Variants in ATP11A observed in about 807,000 individuals in gnomAD.
The protein encoded by ATP11A is phospholipid-transporting ATPase IH.
ATP11A carries 81 observed loss-of-function variants against 154.4 expected under a neutral mutation model. That is an observed-to-expected ratio of 0.52 (90% CI 0.44 to 0.63). The LOEUF is 0.63. Among genes scored for constraint, ATP11A ranks in the 30% least tolerant of loss-of-function variants. The pLI, the probability that ATP11A is intolerant of heterozygous loss-of-function variation, is 0.00. For synonymous variants in ATP11A, 623 were observed against 585.9 expected, an observed-to-expected ratio of 1.06 and a Z score of -0.91; for missense variants, 1,316 against 1,474.3, an observed-to-expected ratio of 0.89 and a Z score of 1.76.
intron 25 of ATP11A, among the ~76,000 whole-genome samples, chr13:112,867,208 A>G (rs2140395357): frequency 6.6e-6 from 1 of 152,122 alleles, no homozygotes; most frequent in East Asian, 1.9e-4. Context: ...CAACCACCCT[A>G]TCAGCTGGAC....
intron 1 of ATP11A, among the ~76,000 whole-genome samples, chr13:112,777,918 C>T (rs944829164): frequency 4.6e-5 from 7 of 152,250 alleles, no homozygotes; most frequent in African/African-American, 9.6e-5. Flanking sequence ...GAATTCCTCT[C>T]GGAGGTGCTC....
intron 1 of ATP11A, among the ~76,000 whole-genome samples, chr13:112,756,312 G>C (rs2076832011): frequency 6.6e-6 from 1 of 152,300 alleles, no homozygotes; most frequent in Middle Eastern, 3.4e-3. Flanking sequence ...CCATCGTTGC[G>C]GTGCCTTCAG....
chr13:112,773,850 G>A (rs1270889317), intron 1 of ATP11A, among the ~76,000 whole-genome samples: 1 of 152,110 alleles, frequency 6.6e-6, no homozygotes, highest in East Asian at 1.9e-4. Context: ...ACCTGTGCGG[G>A]ATTTCCACGC....
chr13:112,863,675 C>A (rs112715767), intron 25 of ATP11A, among the ~76,000 whole-genome samples: 59 of 134,650 alleles, frequency 4.4e-4, no homozygotes, highest in East Asian at 4.6e-4. Context: ...CCATCACCAC[C>A]TGCGCAGTAA....
intron 25 of ATP11A, among the ~76,000 whole-genome samples, chr13:112,865,040 C>T (rs1355808043): frequency 6.7e-6 from 1 of 148,696 alleles, no homozygotes; most frequent in Non-Finnish European, 1.5e-5. Flanking sequence ...CGCAATAATT[C>T]AGCGTAGCAC....
At chr13:112,876,237 A>C in intron 28 of ATP11A, 2 of 243,766 alleles carry the variant, frequency 8.2e-6, no homozygotes, top group African/African-American at 2.2e-5. Context: ...CTTTTTTAAA[A>C]TTAATCATTA....
At chr13:112,773,495 TC>T (rs1261369006) in intron 1 of ATP11A, among the ~76,000 whole-genome samples, 1 of 151,756 alleles carries the variant, frequency 6.6e-6, no homozygotes, top group Non-Finnish European at 1.5e-5. Flanking sequence ...TGGCCAGGAG[TC>T]CTTCCCCACT....
rs1278381762 is a variant in ATP11A, at chr13:112,787,347, C to T, written c.162+2090C>T. On this transcript the variant is annotated intron_variant, in intron 2 of 29. Transcript: ENST00000375645. ...CTGTGGAGACCTACTTAATTGACAC[C>T]GGGTGTCCTGATGCGTAGACTCCTG... is the stretch of plus-strand genomic sequence containing the variant. Among the ~76,000 whole-genome samples the T allele has an allele frequency of 3.1e-5, 4 of 128,948 alleles. 1 individual carries two copies. The highest frequency in any genetic ancestry group is 2.3e-4 in the East Asian group (1 of 4,408). 84.6% of individuals were successfully genotyped at this position (128,948 alleles called of 152,430 possible).
chr13:112,717,858 C>T (rs908060007), intron 1 of ATP11A, among the ~76,000 whole-genome samples: 2 of 152,224 alleles, frequency 1.3e-5, no homozygotes, highest in African/African-American at 4.8e-5. Flanking sequence ...GGGTGGATCA[C>T]CTGAGGTCAG....
chr13:112,807,062 C>T lies in ATP11A; in HGVS notation c.333+769C>T, dbSNP rs977280865. ...TGGATGGACATTTGGGGTGTTTCCACTCTTTGGCTGTTCTGAATAATGCTG... is the reference window on the plus strand; with the variant it reads ...TGGATGGACATTTGGGGTGTTTCCATTCTTTGGCTGTTCTGAATAATGCTG... On this transcript the variant is annotated intron_variant, in intron 4 of 29. Coordinates refer to ENST00000375645, the MANE Select transcript of ATP11A (RefSeq NM_015205.3). The surrounding 1 kb of genome is among the most constrained non-coding windows in gnomAD (Gnocchi z 4.5). Among the ~76,000 whole-genome samples the T allele has an allele frequency of 2.6e-5, 4 of 152,254 alleles. No homozygotes were observed. Among genetic ancestry groups the T allele is most frequent in the Admixed American group, 6.5e-5 (1 of 15,288 alleles).
chr13:112,755,793 A>G (rs2076811594), intron 1 of ATP11A, among the ~76,000 whole-genome samples: 2 of 138,496 alleles, frequency 1.4e-5, no homozygotes, highest in Non-Finnish European at 3.1e-5. Flanking sequence ...CGGAAGCGGC[A>G]CTCAGAGCGG....
intron 16 of ATP11A, among the ~76,000 whole-genome samples, chr13:112,839,324 T>C (rs416168): frequency 0.38 from 57,830 of 151,372 alleles, 12,804 homozygotes; most frequent in African/African-American, 0.61. Flanking sequence ...GCAGAAAAGA[T>C]GAAAGAGAAG....
chr13:112,852,686 C>G (rs1377024267), intron 18 of ATP11A, among the ~76,000 whole-genome samples: 1 of 150,968 alleles, frequency 6.6e-6, no homozygotes, highest in African/African-American at 2.5e-5. Flanking sequence ...CGTGGGGATG[C>G]CTCCGGCAGA....
chr13:112,877,588 G>C (rs1368136171), intron 28 of ATP11A, among the ~76,000 whole-genome samples: 1 of 152,198 alleles, frequency 6.6e-6, no homozygotes, highest in African/African-American at 2.4e-5. Context: ...GCCCCTAGCT[G>C]TGGCCACAGT....
chr13:112,821,512 C>A (rs895011491), intron 8 of ATP11A, among the ~76,000 whole-genome samples: 32 of 152,104 alleles, frequency 2.1e-4, no homozygotes, highest in African/African-American at 7.7e-4. Context: ...TGGGGTTTTG[C>A]CATGTCGGTC....
chr13:112,751,989 G>A (rs77438580), intron 1 of ATP11A, among the ~76,000 whole-genome samples: 1,959 of 152,352 alleles, frequency 0.013, 38 homozygotes, highest in African/African-American at 0.036. Flanking sequence ...ATGTGGCTAA[G>A]TCGTTCATCT....
intron 1 of ATP11A, among the ~76,000 whole-genome samples, chr13:112,714,118 C>G (rs1446769616): frequency 4.4e-4 from 65 of 149,010 alleles, no homozygotes; most frequent in Non-Finnish European, 5.2e-4. Flanking sequence ...TCCCCGCACC[C>G]CTGATCCCAC....
intron 1 of ATP11A, among the ~76,000 whole-genome samples, chr13:112,702,425 G>A (rs899240625): frequency 4.6e-5 from 7 of 151,530 alleles, no homozygotes; most frequent in Non-Finnish European, 2.9e-5. Context: ...CGCCCCCCGC[G>A]TGTTCCAGTG....
rs773591389 is a variant in ATP11A, at chr13:112,857,830, A to T, written c.2431A>T (p.Ile811Phe). Residue 811 changes from isoleucine to phenylalanine, a missense_variant, in exon 21 of 30, where the codon ATC becomes TTC. Ile to Phe is a conservative substitution (Grantham distance 21). This residue lies in a region of ATP11A where 876 missense variants were observed against 1,006.8 expected (regional missense o/e 0.87). Transcript: ENST00000375645. Reference sequence around the variant, plus strand: ...CTTTCTTTTGCAGATTGTTAAATTAATCAAATTTTCAAAAGAGCACCCAAT... The same window carrying T: ...CTTTCTTTTGCAGATTGTTAAATTATTCAAATTTTCAAAAGAGCACCCAAT... ...PLQKAQIVKL[I>F]KFSKEHPITL... 6 of 1,613,818 alleles carry T rather than the reference A, an allele frequency of 3.7e-6. No homozygotes were observed. The highest frequency in any genetic ancestry group is 3.3e-5 in the South Asian group (3 of 91,090).
Sources: gnomAD v4.1 joint callset for allele counts (sites outside exome capture counted in the v4.1 genomes callset) on GRCh38, gnomAD v4.1.1 for gene constraint, gnomAD v4.1.1 regional missense constraint, Gnocchi (gnomAD v3.1) non-coding constraint, MANE v1.5 for transcripts, NCBI Gene and HGNC (gene_info 2026-07-23, HGNC 2026-07-21) for gene names.